SYNPR: variants seen among roughly 807,000 people sequenced by gnomAD.
SYNPR encodes synaptoporin.
SYNPR carries 23 observed loss-of-function variants against 32.9 expected under a neutral mutation model. The observed-to-expected ratio is 0.70, with a 90% CI of 0.50 to 0.99. SYNPR has a LOEUF of 0.99. Ranked by LOEUF, SYNPR falls within the 50% of genes least tolerant of loss-of-function variation. The probability of loss-of-function intolerance (pLI) is 0.00; values close to 1 mark genes in which losing one functional copy is unlikely to be tolerated. For missense variants in SYNPR, 318 were observed against 349.3 expected, an observed-to-expected ratio of 0.91 and a Z score of 0.71; for synonymous variants, 146 against 135.9, an observed-to-expected ratio of 1.07 and a Z score of -0.52.
At chr3:63,570,592 A>G (rs1702869859) in intron 4 of SYNPR, among the ~76,000 whole-genome samples, 1 of 152,108 alleles carries the variant, frequency 6.6e-6, no homozygotes, top group Admixed American at 6.6e-5. Flanking sequence ...ATCAAAATTC[A>G]ACTCATCTTC....
chr3:63,449,719 C>T (rs1700344410), intron 2 of SYNPR, among the ~76,000 whole-genome samples: 3 of 152,182 alleles, frequency 2.0e-5, no homozygotes, highest in Admixed American at 2.0e-4. Flanking sequence ...ATACTAGTGC[C>T]ATTTGCCAAC....
chr3:63,567,233 G>C (rs949667950), intron 4 of SYNPR, among the ~76,000 whole-genome samples: 3 of 151,770 alleles, frequency 2.0e-5, no homozygotes, highest in South Asian at 2.1e-4. Context: ...AGAGGGGAGA[G>C]AGCACTACCC....
intron 2 of SYNPR, among the ~76,000 whole-genome samples, chr3:63,418,810 G>C (rs2088573868): frequency 6.6e-6 from 1 of 152,070 alleles, no homozygotes; most frequent in Non-Finnish European, 1.5e-5. Flanking sequence ...CCCACTTGTG[G>C]GAATTCTAGA....
intron 3 of SYNPR, among the ~76,000 whole-genome samples, chr3:63,526,225 C>T (rs114355147): frequency 0.019 from 2,914 of 152,322 alleles, 42 homozygotes; most frequent in Middle Eastern, 0.044. Context: ...TTGTAAAGGT[C>T]AAAGGAGACT....
chr3:63,357,246 G>C (rs1575608874), intron 2 of SYNPR, among the ~76,000 whole-genome samples: 1 of 152,050 alleles, frequency 6.6e-6, no homozygotes, highest in Non-Finnish European at 1.5e-5. Context: ...ATCCCTGCTT[G>C]AGACCAGAGA....
chr3:63,317,236 A>G (rs2087052951), intron 2 of SYNPR, among the ~76,000 whole-genome samples: 2 of 151,866 alleles, frequency 1.3e-5, no homozygotes, highest in South Asian at 4.1e-4. Flanking sequence ...TTCTGTATAT[A>G]TCTGTTAAGT....
upstream of SYNPR, among the ~76,000 whole-genome samples, chr3:63,225,567 A>C (rs1428358415): frequency 6.6e-6 from 1 of 152,202 alleles, no homozygotes; most frequent in East Asian, 1.9e-4. Context: ...AAACTTTGAA[A>C]GGAAAGGGAG....
chr3:63,354,169 C>T (rs1402589619), intron 2 of SYNPR, among the ~76,000 whole-genome samples: 2 of 152,170 alleles, frequency 1.3e-5, no homozygotes, highest in Non-Finnish European at 2.9e-5. Context: ...CATAACAAGC[C>T]ACCTTAAAAT....
intron 2 of SYNPR, among the ~76,000 whole-genome samples, chr3:63,325,112 G>A (rs1373635026): frequency 1.3e-5 from 2 of 152,082 alleles, no homozygotes; most frequent in Non-Finnish European, 2.9e-5. Context: ...CAACAGGTTA[G>A]AAGCTGAAAA....
At chr3:63,355,838 C>G (rs1014923571) in intron 2 of SYNPR, among the ~76,000 whole-genome samples, 1 of 152,196 alleles carries the variant, frequency 6.6e-6, no homozygotes, top group Non-Finnish European at 1.5e-5. Flanking sequence ...TGGAAAATAA[C>G]TTATCAGTTC....
At position 63,321,224 on chromosome 3, in the gene SYNPR, C is replaced by T. The variant is rs547328277; in HGVS notation, c.84+42482C>T. On this transcript the variant is annotated intron_variant, in intron 2 of 5. Coordinates refer to ENST00000478300, the MANE Select transcript of SYNPR (RefSeq NM_001130003.2). ...GCATTTTCATTTTGCCAAAATATGACTTCAAGGGCCTTAGTCCATTTCTGA... is the reference window on the plus strand; with the variant it reads ...GCATTTTCATTTTGCCAAAATATGATTTCAAGGGCCTTAGTCCATTTCTGA... Among the ~76,000 whole-genome samples the T allele has an allele frequency of 2.6e-5, 4 of 152,184 alleles. No homozygotes were observed. In the South Asian group the frequency reaches 6.2e-4, roughly 24 times the overall value.
intron 2 of SYNPR, among the ~76,000 whole-genome samples, chr3:63,385,536 T>C (rs551206439): frequency 1.3e-5 from 2 of 152,346 alleles, no homozygotes; most frequent in African/African-American, 4.8e-5. Context: ...AATGAAACAA[T>C]GGATATGAAC....
intron 2 of SYNPR, among the ~76,000 whole-genome samples, chr3:63,477,918 G>A (rs1439496035): frequency 6.6e-6 from 1 of 152,190 alleles, no homozygotes; most frequent in Non-Finnish European, 1.5e-5. Flanking sequence ...TATAACTAGT[G>A]GAGTATGCGC....
intron 2 of SYNPR, among the ~76,000 whole-genome samples, chr3:63,421,660 GTTTCC>G (rs1362181719): frequency 6.6e-6 from 1 of 152,134 alleles, no homozygotes; most frequent in Non-Finnish European, 1.5e-5. Flanking sequence ...TTTTCTCCTA[GTTTCC>G]ATGGGGCAAG....
intron 2 of SYNPR, among the ~76,000 whole-genome samples, chr3:63,387,363 G>T (rs2088064499): frequency 6.6e-6 from 1 of 152,144 alleles, no homozygotes; most frequent in Non-Finnish European, 1.5e-5. Context: ...GTCCGTAAAT[G>T]GACCTCATAT....
chr3:63,428,174 T>G (rs909191560), intron 2 of SYNPR, among the ~76,000 whole-genome samples: 1 of 152,242 alleles, frequency 6.6e-6, no homozygotes. Flanking sequence ...TGTATCATCT[T>G]GAGTATTAAA....
At chr3:63,462,931 G>C (rs926086119) in intron 2 of SYNPR, among the ~76,000 whole-genome samples, 5 of 152,142 alleles carry the variant, frequency 3.3e-5, no homozygotes, top group African/African-American at 1.2e-4. Context: ...CTGGCCACCA[G>C]GGAAATGAGT....
At chr3:63,444,361 T>C (rs1198044989) in intron 2 of SYNPR, 1 of 152,240 alleles carries the variant, frequency 6.6e-6, no homozygotes, top group African/African-American at 2.4e-5. Context: ...TATTTTAATA[T>C]AATTATTCTA....
chr3:63,509,397 A>G (rs1701653461), intron 3 of SYNPR, among the ~76,000 whole-genome samples: 1 of 151,718 alleles, frequency 6.6e-6, no homozygotes, highest in Admixed American at 6.6e-5. Context: ...TAGCCTGAAA[A>G]ACATCTCATA....
Sources: allele counts gnomAD v4.1 joint callset (sites outside exome capture counted in the v4.1 genomes callset), GRCh38; gene constraint gnomAD v4.1.1; transcripts MANE v1.5; gene names NCBI Gene and HGNC (gene_info 2026-07-23, HGNC 2026-07-21).